GBP5: variants seen among roughly 807,000 people sequenced by gnomAD.
The protein encoded by GBP5 is guanylate-binding protein 5.
In GBP5, 48 loss-of-function variants were observed where a neutral mutation model predicts 58.2. The ratio of observed to expected loss-of-function variants is 0.83; its 90% confidence interval spans 0.65 to 1.05. GBP5 has a LOEUF of 1.05. Ranked by LOEUF, GBP5 falls within the 50% of genes least tolerant of loss-of-function variation. The probability of loss-of-function intolerance (pLI) is 0.00; values close to 1 mark genes in which losing one functional copy is unlikely to be tolerated. For synonymous variants in GBP5, 248 were observed against 251.8 expected (o/e 0.98, Z 0.14); for missense variants, 714 against 686.8 (o/e 1.04, Z -0.44).
rs376262831 is a variant in GBP5, at chr1:89,267,040, C to T, written c.542G>A (p.Arg181Lys). The T allele has an allele frequency of 1.2e-6, 2 of 1,612,506 alleles. No homozygotes were observed. Among genetic ancestry groups the T allele is most frequent in the Non-Finnish European group, 1.7e-6 (2 of 1,179,706 alleles). Reference protein sequence around the residue: ...SFFPDLVWTLRDFCLGLEIDG... With the variant: ...SFFPDLVWTLKDFCLGLEIDG... ...TATTTCCAGGCCTAAGCAGAAATCTCTCAGAGTCCACACTAAGTCTGGGAA... is the reference window on the plus strand; with the variant it reads ...TATTTCCAGGCCTAAGCAGAAATCTTTCAGAGTCCACACTAAGTCTGGGAA... The change falls in exon 6 of 12, where the codon AGA (arginine) becomes AAA (lysine). Residue 181 changes from arginine (R) to lysine (K), a missense_variant. Arg to Lys is a conservative substitution (Grantham distance 26). Coordinates refer to ENST00000370459, the MANE Select transcript of GBP5 (RefSeq NM_052942.5).
At chr1:89,268,952 G>A (rs1349456440) in intron 3 of GBP5, 96 bp from the exon 4 acceptor site, 6 of 1,235,782 alleles carry the variant, frequency 4.9e-6, no homozygotes, top group South Asian at 1.3e-5. Flanking sequence ...AGCAAGATGA[G>A]GAGATAGCAG....
intron 2 of GBP5, chr1:89,270,321 T>C (rs966542339): frequency 1.3e-5 from 2 of 152,208 alleles, no homozygotes; most frequent in Non-Finnish European, 2.9e-5. Context: ...CATAAAAATA[T>C]GCTTTTCTAC....
At position 89,256,250 on chromosome 1, in the gene GBP5, T is replaced by A. The variant is rs1375545481; in HGVS notation, c.*4454A>T. Among the ~76,000 whole-genome samples the A allele has an allele frequency of 6.6e-6, 1 of 152,106 alleles. No homozygotes were observed. On this transcript the variant is annotated 3_prime_UTR_variant, in exon 12 of 12. Coordinates refer to ENST00000370459, the MANE Select transcript of GBP5 (RefSeq NM_052942.5). ...GCAAGGCATAAAAGAATACAAACAATGTAATTCCATTTAAATAAAGTTTGA... is the reference window on the plus strand; with the variant it reads ...GCAAGGCATAAAAGAATACAAACAAAGTAATTCCATTTAAATAAAGTTTGA...
chr1:89,267,248 G>T, intron 5 of GBP5, 95 bp from the exon 6 acceptor site: 3 of 1,111,480 alleles, frequency 2.7e-6, no homozygotes, highest in Non-Finnish European at 3.9e-6. Context: ...TCCCCTACGA[G>T]TCTTAACCAA....
rs1649799048 is a variant in GBP5, at chr1:89,256,494, T to C, written c.*4210A>G. ...TTTATATTGAATATTGTACATTTTA[T>C]GTTTTTTGTACTCTTCAGTATGTGT... On this transcript the variant is annotated 3_prime_UTR_variant, in exon 12 of 12. Coordinates refer to ENST00000370459, the MANE Select transcript of GBP5 (RefSeq NM_052942.5). 6.6e-6 allele frequency among the ~76,000 whole-genome samples: 1 copy of C among 152,238 alleles called. No homozygotes were observed. Among genetic ancestry groups the C allele is most frequent in the Non-Finnish European group, 1.5e-5 (1 of 68,034 alleles).
In GBP5 at chr1:89,259,993, A is replaced by C. The variant is rs1413539467; in HGVS notation, c.*711T>G. The C allele has an allele frequency of 6.6e-6, 1 of 152,200 alleles. No homozygotes were observed. Among genetic ancestry groups the C allele is most frequent in the Admixed American group, 6.5e-5 (1 of 15,284 alleles). 9.4% of individuals were successfully genotyped at this position (152,200 alleles called of 1,614,324 possible). ...CTTGTCCTTTCTCTTGGCTAACCTTATAAGCCCATGTGCATAACTCCCTCT... is the reference window on the plus strand; with the variant it reads ...CTTGTCCTTTCTCTTGGCTAACCTTCTAAGCCCATGTGCATAACTCCCTCT... On this transcript the variant is annotated 3_prime_UTR_variant, in exon 12 of 12. Transcript: ENST00000370459.
At chr1:89,266,831 AT>A in intron 6 of GBP5, 125 bp downstream of exon 6, 1 of 638,426 alleles carries the variant, frequency 1.6e-6, no homozygotes, top group South Asian at 3.0e-5. Flanking sequence ...TTTATTATTT[AT>A]TTTTTAGGAG....
intron 1 of GBP5, chr1:89,271,978 A>C (rs902881068): frequency 6.6e-6 from 1 of 152,212 alleles, no homozygotes; most frequent in Non-Finnish European, 1.5e-5. Context: ...AAAATACATC[A>C]CTGTTTTCAT....
In GBP5 at chr1:89,262,710, G is replaced by A; in HGVS notation, c.1438C>T (p.Leu480Phe). The A allele has an allele frequency of 6.2e-7, 1 of 1,607,676 alleles. No individual in the cohort carries two copies. Among genetic ancestry groups the A allele is most frequent in the Non-Finnish European group, 8.5e-7 (1 of 1,176,026 alleles). ...TTCTTCTTTTTTTCCGTCTCTGTGA[G>A]AGCCTGGTCAGTCTGTAATATTGCA... The part of the protein sequence containing the change: ...SHAILQTDQA[L>F]TETEKKKKEA... Residue 480 changes from leucine (L) to phenylalanine (F), a missense_variant, in exon 10 of 12, where the codon CTC becomes TTC. By Grantham distance (22) the Leu-to-Phe change is conservative (BLOSUM62 0). Coordinates refer to ENST00000370459, the MANE Select transcript of GBP5 (RefSeq NM_052942.5).
At chr1:89,262,178 C>T (rs532803221) in intron 11 of GBP5, 42 bp downstream of exon 11, 3 of 1,588,544 alleles carry the variant, frequency 1.9e-6, no homozygotes, top group South Asian at 2.2e-5. Flanking sequence ...TACATACTCT[C>T]ATCGTTACAG....
chr1:89,260,589 G>T lies in GBP5; in HGVS notation c.*115C>A. 1 of 680,212 alleles carries T rather than the reference G, an allele frequency of 1.5e-6. No individual in the cohort carries two copies. Among genetic ancestry groups the T allele is most frequent in the Non-Finnish European group, 2.6e-6 (1 of 392,038 alleles). 42.1% of individuals were successfully genotyped at this position (680,212 alleles called of 1,614,324 possible). A position where few individuals can be genotyped will look rare whatever the true frequency, so the allele number is the denominator to read the frequency against. On this transcript the variant is annotated 3_prime_UTR_variant, in exon 12 of 12. Transcript: ENST00000370459. ...ATCTTATAACTCTATATGAAAGTTT[G>T]AAAAAATAATTATAAAGTTTATTTA... is the stretch of plus-strand genomic sequence containing the variant.
Position 89,272,527 on chromosome 1 carries a change from G to C in GBP5, c.-203C>G, listed in dbSNP as rs1460952276. On this transcript the variant is annotated 5_prime_UTR_variant, in exon 1 of 12. Transcript: ENST00000370459. ...CGCGGACCCTAGCGTTGAGTGTCAC[G>C]GTTCTTAAAGGTGGCGTGTCAGGAG... is the stretch of plus-strand genomic sequence containing the variant. The C allele has an allele frequency of 6.1e-6, 1 of 163,158 alleles. No individual in the cohort carries two copies. Among genetic ancestry groups the C allele is most frequent in the African/African-American group, 2.4e-5 (1 of 41,654 alleles). The allele number at this position is 163,158 out of a possible 1,614,324, so 10.1% of individuals were successfully genotyped here. A position where few individuals can be genotyped will look rare whatever the true frequency, so the allele number is the denominator to read the frequency against.
chr1:89,262,330 G>T lies in GBP5; in HGVS notation c.1537C>A (p.Gln513Lys). ...AGTCTCTCCCTCTCCTGCATCATTT[G>T]CTCGTTCTGCCTTTGAATCGCCGCC... ...RLAAIQRQNE[Q>K]MMQERERLHQ... The change falls in exon 11 of 12, where the codon CAA (glutamine) becomes AAA (lysine). Residue 513 changes from glutamine to lysine, a missense_variant. Coordinates refer to ENST00000370459, the MANE Select transcript of GBP5 (RefSeq NM_052942.5). The T allele has an allele frequency of 6.2e-7, 1 of 1,614,020 alleles. No individual in the cohort carries two copies. The highest frequency in any genetic ancestry group is 1.1e-5 in the South Asian group (1 of 91,078).
In GBP5 at chr1:89,258,696, T is replaced by G. The variant is rs1487217554; in HGVS notation, c.*2008A>C. ...AAAAAAATTCAAGCTCCTATCATATTACCTAAGTGGAAAATTCCTTATATG... is the reference window on the plus strand; with the variant it reads ...AAAAAAATTCAAGCTCCTATCATATGACCTAAGTGGAAAATTCCTTATATG... On this transcript the variant is annotated 3_prime_UTR_variant, in exon 12 of 12. Coordinates refer to ENST00000370459, the MANE Select transcript of GBP5 (RefSeq NM_052942.5). Among the ~76,000 whole-genome samples, 1 of 152,184 alleles carries G rather than the reference T, an allele frequency of 6.6e-6. No individual in the cohort carries two copies. Among genetic ancestry groups the G allele is most frequent in the African/African-American group, 2.4e-5 (1 of 41,458 alleles).
At chr1:89,263,586 T>A in intron 9 of GBP5, 150 bp downstream of exon 9, 1 of 585,614 alleles carries the variant, frequency 1.7e-6, no homozygotes. Context: ...ACATTGTTTT[T>A]CCATAAATGC....
Position 89,263,854 on chromosome 1 carries a change from G to A in GBP5, c.1244C>T (p.Pro415Leu), listed in dbSNP as rs1557501570. 1 of 1,612,586 alleles carries A rather than the reference G, an allele frequency of 6.2e-7. No individual in the cohort carries two copies. Among genetic ancestry groups the A allele is most frequent in the Admixed American group, 1.7e-5 (1 of 59,878 alleles). ...TCCCTGCTTCACTGCTTCTTCTAGAGGACCAAAAATATCCTTAAGTAAAGC... is the reference window on the plus strand; with the variant it reads ...TCCCTGCTTCACTGCTTCTTCTAGAAGACCAAAAATATCCTTAAGTAAAGC... ...CSALLKDIFG[P>L]LEEAVKQGIY... The change falls in exon 9 of 12, where the codon CCT (proline) becomes CTT (leucine). Residue 415 changes from proline (P) to leucine (L), a missense_variant. Physicochemically the swap from Pro to Leu is moderately conservative, Grantham distance 98. Transcript: ENST00000370459.
In GBP5 at chr1:89,262,250, C is replaced by T; in HGVS notation, c.1617G>A (p.Glu539=). The T allele has an allele frequency of 6.2e-7, 1 of 1,614,142 alleles. No individual in the cohort carries two copies. Among genetic ancestry groups the T allele is most frequent in the South Asian group, 1.1e-5 (1 of 91,084 alleles). ...TCTGTTGTTCCTGCATTTTCTGTTG[C>T]TCTGCCAGCCAATTTTGTTTGGCTA... is the stretch of plus-strand genomic sequence containing the variant. ...MEIAKQNWLA[E]QQKMQEQQMQ... is the part of the protein sequence containing the mutation. Residue 539 remains glutamate, a synonymous_variant, in exon 11 of 12, where the codon GAG becomes GAA. Coordinates refer to ENST00000370459, the MANE Select transcript of GBP5 (RefSeq NM_052942.5).
chr1:89,265,503 C>T (rs997344239), intron 7 of GBP5, among the ~76,000 whole-genome samples: 1 of 151,096 alleles, frequency 6.6e-6, no homozygotes, highest in Admixed American at 6.6e-5. Flanking sequence ...CTGAGGCGGG[C>T]GGATCACGAG....
intron 7 of GBP5, 120 bp downstream of exon 7, chr1:89,266,226 A>G: frequency 1.2e-6 from 1 of 817,090 alleles, no homozygotes; most frequent in Non-Finnish European, 1.9e-6. Context: ...GATACATATG[A>G]TTTTCACAGT....
Sources: allele counts gnomAD v4.1 joint callset (sites outside exome capture counted in the v4.1 genomes callset), GRCh38; gene constraint gnomAD v4.1.1; transcripts MANE v1.5; gene names NCBI Gene and HGNC (gene_info 2026-07-23, HGNC 2026-07-21).